Variants in ZDHHC11 observed in about 807,000 individuals in gnomAD.
ZDHHC11 encodes the protein zDHHC palmitoyltransferase 11, also known as palmitoyltransferase ZDHHC11.
A neutral mutation model predicts 51.3 loss-of-function variants in ZDHHC11; 44 were observed. That is an observed-to-expected ratio of 0.86 (90% confidence interval 0.67 to 1.10). The LOEUF (loss-of-function observed/expected upper bound fraction) is 1.10, where lower values mean the gene tolerates loss of function less well. Among genes scored for constraint, ZDHHC11 ranks in the 50% least tolerant of loss-of-function variants. The pLI is 0.00. For synonymous variants in ZDHHC11, 163 were observed against 222.0 expected, an observed-to-expected ratio of 0.73 and a Z score of 2.36; for missense variants, 400 against 537.7, an observed-to-expected ratio of 0.74 and a Z score of 2.53.
At chr5:823,489 G>A (rs1346308262) in intron 8 of ZDHHC11, 2 of 152,100 alleles carry the variant, frequency 1.3e-5, no homozygotes, top group African/African-American at 4.8e-5. Flanking sequence ...CATCTTCTTT[G>A]GACAACACTG....
Position 819,546 on chromosome 5 carries a change from T to C in ZDHHC11, c.1125A>G (p.Pro375=). 1 of 1,609,724 alleles carries C rather than the reference T, an allele frequency of 6.2e-7. No homozygotes were observed. The highest frequency in any genetic ancestry group is 8.5e-7 in the Non-Finnish European group (1 of 1,176,674). ...RLCQFSTRVH[P]DGGSMAQEAD... Reference sequence around the variant, plus strand: ...TTACCTGTGCCATCGAGCCCCCGTCTGGGTGTACACGAGTGGAGAACTGAC... The same window carrying C: ...TTACCTGTGCCATCGAGCCCCCGTCCGGGTGTACACGAGTGGAGAACTGAC... Residue 375 remains proline (P), a synonymous_variant, in exon 10 of 13, where the codon CCA becomes CCG. Coordinates refer to ENST00000283441, the MANE Select transcript of ZDHHC11 (RefSeq NM_024786.3).
intron 10 of ZDHHC11, among the ~76,000 whole-genome samples, chr5:815,546 C>G (rs980680074): frequency 2.0e-5 from 3 of 151,556 alleles, no homozygotes; most frequent in Admixed American, 6.6e-5. Flanking sequence ...TTCACCAACA[C>G]TTGGTATTGT....
intron 7 of ZDHHC11, among the ~76,000 whole-genome samples, chr5:827,988 T>C (rs920853501): frequency 6.6e-6 from 1 of 151,206 alleles, no homozygotes; most frequent in Non-Finnish European, 1.5e-5. Flanking sequence ...AAGCACATCT[T>C]GCACCGCCCT....
chr5:825,587 G>C (rs1449081675), intron 7 of ZDHHC11, among the ~76,000 whole-genome samples: 1 of 152,230 alleles, frequency 6.6e-6, no homozygotes, highest in Non-Finnish European at 1.5e-5. Context: ...CTGATATGCA[G>C]CTCCCACATG....
intron 1 of ZDHHC11, among the ~76,000 whole-genome samples, chr5:858,846 T>C (rs778357671): frequency 4.6e-5 from 7 of 151,958 alleles, no homozygotes; most frequent in Non-Finnish European, 8.8e-5. Flanking sequence ...TTTGGGAACA[T>C]GGGAAAGTAA....
upstream of ZDHHC11, among the ~76,000 whole-genome samples, chr5:852,576 T>C (rs73730975): frequency 0.067 from 5,792 of 86,786 alleles, 324 homozygotes; most frequent in African/African-American, 0.2. Flanking sequence ...CGGAGGACAA[T>C]GAGCAGCGGG....
intron 12 of ZDHHC11, among the ~76,000 whole-genome samples, chr5:796,886 C>A (rs1441994227): frequency 1.3e-5 from 2 of 152,200 alleles, no homozygotes; most frequent in African/African-American, 2.4e-5. Context: ...GAAAGATAAC[C>A]CATCTTTTAT....
intron 3 of ZDHHC11, among the ~76,000 whole-genome samples, chr5:846,069 C>T (rs1251163319): frequency 1.3e-5 from 2 of 150,430 alleles, no homozygotes; most frequent in African/African-American, 2.5e-5. Flanking sequence ...GAGCTGGCCC[C>T]ACCTTGGCCA....
intron 1 of ZDHHC11, among the ~76,000 whole-genome samples, chr5:849,239 G>C (rs569154374): frequency 1.4e-3 from 212 of 152,216 alleles, no homozygotes; most frequent in Middle Eastern, 6.8e-3. Context: ...GTTCATCCCT[G>C]TTGGACACAG....
At chr5:856,343 A>T (rs915654093) in intron 1 of ZDHHC11, among the ~76,000 whole-genome samples, 1 of 151,574 alleles carries the variant, frequency 6.6e-6, no homozygotes, top group Non-Finnish European at 1.5e-5. Flanking sequence ...CACACCACAC[A>T]ATACATACCA....
chr5:813,763 G>A (rs1433191736), intron 11 of ZDHHC11, among the ~76,000 whole-genome samples: 8 of 146,374 alleles, frequency 5.5e-5, no homozygotes, highest in African/African-American at 1.9e-4. Context: ...CTGTGGGGCC[G>A]GCTGGGACTC....
chr5:827,728 A>T lies in ZDHHC11; in HGVS notation c.936-2477T>A, dbSNP rs1191029414. On this transcript the variant is annotated intron_variant, in intron 7 of 12. Transcript: ENST00000283441. ...ACGTAATGAGGGACCTGCCAAATTT[A>T]TTTTTTTTTATTCTTTATTTTTTTT... 1.3e-4 allele frequency among the ~76,000 whole-genome samples: 19 copies of T among 148,348 alleles called. 1 individual carries two copies. Among genetic ancestry groups the T allele is most frequent in the Non-Finnish European group, 2.5e-4 (17 of 66,772 alleles).
intron 12 of ZDHHC11, among the ~76,000 whole-genome samples, chr5:798,159 T>G (rs1167747599): frequency 2.0e-5 from 3 of 150,638 alleles, no homozygotes; most frequent in Non-Finnish European, 4.4e-5. Flanking sequence ...CTTTAAGAGA[T>G]TACTGATTGG....
At chr5:805,194 T>C (rs1739075679) in intron 11 of ZDHHC11, among the ~76,000 whole-genome samples, 1 of 151,556 alleles carries the variant, frequency 6.6e-6, no homozygotes. Flanking sequence ...ATCCTAGCCT[T>C]TGGGAGGCTA....
upstream of ZDHHC11, among the ~76,000 whole-genome samples, chr5:859,578 T>C (rs930319486): frequency 1.3e-5 from 2 of 152,176 alleles, no homozygotes; most frequent in Admixed American, 6.5e-5. Flanking sequence ...GCAAAGACTT[T>C]GGCCACCGTG....
chr5:844,349 ACCAG>A (rs1745752103), intron 3 of ZDHHC11, among the ~76,000 whole-genome samples: 1 of 152,294 alleles, frequency 6.6e-6, no homozygotes, highest in Non-Finnish European at 1.5e-5. Flanking sequence ...AGGAGGGGGA[ACCAG>A]CCCTTTTCAC....
chr5:807,407 G>A (rs1233124587), intron 11 of ZDHHC11, among the ~76,000 whole-genome samples: 3 of 151,250 alleles, frequency 2.0e-5, no homozygotes, highest in African/African-American at 7.3e-5. Context: ...TTGGAATAGG[G>A]GCCCCGTCTC....
intron 11 of ZDHHC11, among the ~76,000 whole-genome samples, chr5:807,297 T>C (rs1420399307): frequency 2.0e-5 from 3 of 150,634 alleles, no homozygotes; most frequent in Non-Finnish European, 4.4e-5. Context: ...CACGTATGTA[T>C]GTACTCTTTA....
At chr5:818,738 G>A (rs1482468403) in intron 10 of ZDHHC11, among the ~76,000 whole-genome samples, 3 of 151,570 alleles carry the variant, frequency 2.0e-5, no homozygotes, top group Non-Finnish European at 4.4e-5. Context: ...GCACACGCCT[G>A]TAGTTTCAGC....
Sources: allele counts gnomAD v4.1 joint callset (sites outside exome capture counted in the v4.1 genomes callset), GRCh38; gene constraint gnomAD v4.1.1; transcripts MANE v1.5; gene names NCBI Gene and HGNC (gene_info 2026-07-23, HGNC 2026-07-21).